ELAVL4: variants seen among roughly 807,000 people sequenced by gnomAD.
ELAVL4 encodes ELAV like RNA binding protein 4, also known as ELAV-like protein 4.
Under a neutral mutation model 35.6 loss-of-function variants are expected in ELAVL4, and 1 was observed. That is an observed-to-expected ratio of 0.03 (90% CI 0.01 to 0.13). The LOEUF is 0.13. ELAVL4 is among the 10% of genes least tolerant of loss of function. The pLI is 1.00. For missense variants in ELAVL4, 267 were observed against 464.9 expected, an observed-to-expected ratio of 0.57 and a Z score of 3.91; for synonymous variants, 156 against 171.0, an observed-to-expected ratio of 0.91 and a Z score of 0.69.
intron 1 of ELAVL4, chr1:50,109,861 AG>A: frequency 6.3e-7 from 1 of 1,584,150 alleles, no homozygotes. Flanking sequence ...CAGCTCTGTA[AG>A]AAGGAATGTC....
chr1:50,172,606 G>A (rs1679219201), intron 2 of ELAVL4, among the ~76,000 whole-genome samples: 1 of 152,146 alleles, frequency 6.6e-6, no homozygotes, highest in African/African-American at 2.4e-5. Context: ...GCTACACAAT[G>A]GCAGAGTTGT....
upstream of ELAVL4, among the ~76,000 whole-genome samples, chr1:50,099,627 C>T (rs1572173272): frequency 6.7e-6 from 1 of 149,372 alleles, no homozygotes; most frequent in African/African-American, 2.5e-5. Context: ...CCATTGAATG[C>T]AATCTGTAAT....
Position 50,177,174 on chromosome 1 carries a change from C to A in ELAVL4, c.336C>A (p.Leu112=), listed in dbSNP as rs755611906. 10 of 1,613,732 alleles carry A rather than the reference C, an allele frequency of 6.2e-6. No homozygotes were observed. The highest frequency in any genetic ancestry group is 5.9e-6 in the Non-Finnish European group (7 of 1,179,836). The stretch of plus-strand genomic sequence containing the variant: ...TCAACACTTTAAATGGACTCAGACT[C>A]CAGACCAAAACCATAAAGGTAAGAG... The part of the protein sequence containing the change: ...KAINTLNGLR[L]QTKTIKVSYA... Residue 112 remains leucine (L), a synonymous_variant, in exon 3 of 7, where the codon CTC becomes CTA. Coordinates refer to ENST00000371824, the MANE Select transcript of ELAVL4 (RefSeq NM_001144774.3).
chr1:50,151,575 A>T (rs1315044931), intron 2 of ELAVL4, among the ~76,000 whole-genome samples: 1 of 152,228 alleles, frequency 6.6e-6, no homozygotes, highest in African/African-American at 2.4e-5. Flanking sequence ...CAAGATATTG[A>T]TTAGCTAAAT....
intron 1 of ELAVL4, among the ~76,000 whole-genome samples, chr1:50,118,332 A>G (rs1425535184): frequency 6.6e-6 from 1 of 151,998 alleles, no homozygotes; most frequent in Non-Finnish European, 1.5e-5. Flanking sequence ...TGGCTTAATG[A>G]GATTTTTGTA....
intron 1 of ELAVL4, among the ~76,000 whole-genome samples, chr1:50,089,212 GA>G (rs34837707): frequency 6.6e-6 from 1 of 152,202 alleles, no homozygotes; most frequent in Admixed American, 6.5e-5. Flanking sequence ...ATTACAGTGT[GA>G]AAAGGGCTGT....
At chr1:50,128,650 G>A (rs542807500) in intron 1 of ELAVL4, among the ~76,000 whole-genome samples, 15 of 152,228 alleles carry the variant, frequency 9.9e-5, no homozygotes, top group Non-Finnish European at 1.6e-4. Flanking sequence ...ATGGGGGATT[G>A]GAGAAGGGGC....
At chr1:50,185,900 G>C (rs1228843675) in intron 3 of ELAVL4, among the ~76,000 whole-genome samples, 1 of 152,158 alleles carries the variant, frequency 6.6e-6, no homozygotes. Flanking sequence ...CAGGAGCCAG[G>C]AGTTGCAGTC....
At chr1:50,179,273 T>C (rs1680638235) in intron 3 of ELAVL4, among the ~76,000 whole-genome samples, 1 of 152,104 alleles carries the variant, frequency 6.6e-6, no homozygotes, top group African/African-American at 2.4e-5. Context: ...ATGCCATGGC[T>C]GAATCAATAA....
rs374235474 is a variant in ELAVL4, at chr1:50,074,663, T to A, written c.18+26481T>A. ...CTGTGGGAGTTTATGCACAGTGACC[T>A]AATAACCTTGGGAAAAGAGGGGTCA... is the stretch of plus-strand genomic sequence containing the variant. On this transcript the variant is annotated intron_variant, in intron 1 of 6. Coordinates refer to the ELAVL4 transcript ENST00000448907. Among the ~76,000 whole-genome samples the A allele has an allele frequency of 3.0e-4, 46 of 152,314 alleles. 1 individual carries two copies. The South Asian group carries it at 8.7e-3, about 29-fold the overall frequency.
intron 2 of ELAVL4, among the ~76,000 whole-genome samples, chr1:50,164,296 G>C (rs1214642206): frequency 6.6e-6 from 1 of 152,096 alleles, no homozygotes; most frequent in Admixed American, 6.5e-5. Context: ...CAAATAGTAG[G>C]TCTGGCTTCT....
rs1674855366 is a variant in ELAVL4 at position 50,151,898 on chromosome 1, G to C, written c.250+6701G>C. 2.0e-5 allele frequency among the ~76,000 whole-genome samples: 3 copies of C among 152,258 alleles called. No individual in the cohort carries two copies. In the South Asian group the frequency reaches 6.2e-4, roughly 32 times the overall value. On this transcript the variant is annotated intron_variant, in intron 2 of 6. Coordinates refer to ENST00000371824, the MANE Select transcript of ELAVL4 (RefSeq NM_001144774.3). ...ATGGAGAAGATTTGGCAGCCTAATGGGGTTGCAAAACAGGAGAATTGGAGT... is the reference window on the plus strand; with the variant it reads ...ATGGAGAAGATTTGGCAGCCTAATGCGGTTGCAAAACAGGAGAATTGGAGT...
chr1:50,098,842 G>A (rs1438379927), intron 1 of ELAVL4, among the ~76,000 whole-genome samples: 4 of 152,136 alleles, frequency 2.6e-5, no homozygotes, highest in Non-Finnish European at 5.9e-5. Flanking sequence ...GAGAAAGGAA[G>A]CATCCTTTCT....
intron 1 of ELAVL4, among the ~76,000 whole-genome samples, chr1:50,091,654 G>A (rs2148505573): frequency 6.6e-6 from 1 of 152,316 alleles, no homozygotes; most frequent in Admixed American, 6.5e-5. Flanking sequence ...TGTCAGTTTG[G>A]AAGGAAAAGA....
chr1:50,081,298 G>A (rs1664994581), intron 1 of ELAVL4, among the ~76,000 whole-genome samples: 1 of 152,166 alleles, frequency 6.6e-6, no homozygotes, highest in African/African-American at 2.4e-5. Flanking sequence ...TAAATCAGAT[G>A]GTTCTTCAAG....
intron 3 of ELAVL4, among the ~76,000 whole-genome samples, chr1:50,190,241 T>C (rs928019138): frequency 2.0e-5 from 3 of 152,212 alleles, no homozygotes; most frequent in Admixed American, 6.5e-5. Context: ...TTGGAAGCCC[T>C]GTGACTCCAG....
At chr1:50,051,763 A>C (rs551079087) in intron 1 of ELAVL4, among the ~76,000 whole-genome samples, 2 of 152,322 alleles carry the variant, frequency 1.3e-5, no homozygotes, top group East Asian at 3.9e-4. Context: ...CAATATGATG[A>C]GATGAATCAT....
At chr1:50,092,405 T>G (rs181968286) in intron 1 of ELAVL4, among the ~76,000 whole-genome samples, 2 of 152,282 alleles carry the variant, frequency 1.3e-5, no homozygotes, top group Admixed American at 6.5e-5. Context: ...TTCTGGCATG[T>G]TTCGGGATGG....
Position 50,109,037 on chromosome 1 carries a change from ATAATTG to A in ELAVL4, c.-152_-147del. ...CTCTCCCCCGCCCACCCCCCCAAAA[ATAATTG>A]ATTTGCTTTACAATCATCCACACTG... On this transcript the variant is annotated 5_prime_UTR_variant, in exon 1 of 7. Transcript: ENST00000371824. 2 of 540,258 alleles carry A rather than the reference ATAATTG, an allele frequency of 3.7e-6. No homozygotes were observed. Among genetic ancestry groups the A allele is most frequent in the Non-Finnish European group, 4.5e-6 (2 of 443,446 alleles). 33.5% of individuals were successfully genotyped at this position (540,258 alleles called of 1,614,324 possible). A position where few individuals can be genotyped will look rare whatever the true frequency, so the allele number is the denominator to read the frequency against.
Sources: allele counts gnomAD v4.1 joint callset (sites outside exome capture counted in the v4.1 genomes callset), GRCh38; gene constraint gnomAD v4.1.1; transcripts MANE v1.5; gene names NCBI Gene and HGNC (gene_info 2026-07-23, HGNC 2026-07-21).